Variants in NOL4L observed in about 807,000 individuals in gnomAD.
NOL4L encodes nucleolar protein 4 like, also known as nucleolar protein 4-like.
NOL4L carries 7 observed loss-of-function variants against 64.5 expected under a neutral mutation model. The observed-to-expected ratio is 0.11, with a 90% CI of 0.06 to 0.20. The LOEUF is 0.20. Ranked by LOEUF, NOL4L falls within the 10% of genes least tolerant of loss-of-function variation. The pLI is 1.00. For synonymous variants in NOL4L, 413 were observed against 401.0 expected (o/e 1.03, Z -0.36); for missense variants, 680 against 967.1 (o/e 0.70, Z 3.94).
intron 3 of NOL4L, among the ~76,000 whole-genome samples, chr20:32,515,450 C>T (rs971652013): frequency 1.5e-4 from 23 of 152,226 alleles, no homozygotes; most frequent in African/African-American, 5.1e-4. Flanking sequence ...AGCTCAACCA[C>T]ACCAGGGTGA....
chr20:32,465,612 C>T (rs988356924), intron 5 of NOL4L, among the ~76,000 whole-genome samples: 5 of 152,250 alleles, frequency 3.3e-5, no homozygotes, highest in African/African-American at 1.2e-4. Flanking sequence ...ACACAGCCTG[C>T]TCCCCGTGTT....
intron 1 of NOL4L, among the ~76,000 whole-genome samples, chr20:32,538,009 C>G (rs1414425064): frequency 6.6e-6 from 1 of 152,180 alleles, no homozygotes; most frequent in Non-Finnish European, 1.5e-5. Flanking sequence ...GAACTCCTGG[C>G]CTCAAGTGAT....
intron 5 of NOL4L, among the ~76,000 whole-genome samples, chr20:32,468,794 G>A (rs1250463522): frequency 6.6e-6 from 1 of 151,828 alleles, no homozygotes; most frequent in Non-Finnish European, 1.5e-5. Flanking sequence ...AGCTACTCGG[G>A]AGGCTGAGGC....
intron 1 of NOL4L, among the ~76,000 whole-genome samples, chr20:32,570,246 C>G (rs916034389): frequency 4.6e-5 from 7 of 152,108 alleles, no homozygotes; most frequent in African/African-American, 1.4e-4. Flanking sequence ...TCAATGACAC[C>G]GTCATTCCCA....
At chr20:32,504,567 AAAAG>A (rs921837028) in intron 4 of NOL4L, among the ~76,000 whole-genome samples, 1 of 151,306 alleles carries the variant, frequency 6.6e-6, no homozygotes, top group Non-Finnish European at 1.5e-5. Context: ...CAAAAAAAAA[AAAAG>A]AAAGAAAGAA....
At chr20:32,497,377 A>G (rs928085024) in intron 4 of NOL4L, among the ~76,000 whole-genome samples, 1 of 152,132 alleles carries the variant, frequency 6.6e-6, no homozygotes, top group African/African-American at 2.4e-5. Flanking sequence ...AAAAGTCACA[A>G]CCACTAAATG....
Position 32,447,712 on chromosome 20 carries a change from G to T in NOL4L, c.1927C>A (p.Leu643Ile). Residue 643 changes from leucine to isoleucine, a missense_variant, in exon 11 of 11, where the codon CTC becomes ATC. Leu to Ile is a conservative substitution (Grantham distance 5). Coordinates refer to ENST00000621426, the MANE Select transcript of NOL4L (RefSeq NM_001256798.2). ...STSRPVPTAQ[L>I]SPTEISAVRQ... ...ACGGCGCTGATCTCCGTGGGGCTGA[G>T]CTGAGCGGTGGGCACGGGCCTGCTG... 1 of 1,611,276 alleles carries T rather than the reference G, an allele frequency of 6.2e-7. No homozygotes were observed. The highest frequency in any genetic ancestry group is 8.5e-7 in the Non-Finnish European group (1 of 1,179,134).
chr20:32,504,557 C>CAAA (rs551239944), intron 4 of NOL4L, among the ~76,000 whole-genome samples: 8 of 124,160 alleles, frequency 6.4e-5, no homozygotes, highest in African/African-American at 2.3e-4. Flanking sequence ...GAGACTCCAT[C>CAAA]AAAAAAAAAA....
intron 1 of NOL4L, among the ~76,000 whole-genome samples, chr20:32,566,531 G>T (rs908177976): frequency 6.6e-6 from 1 of 152,172 alleles, no homozygotes; most frequent in Non-Finnish European, 1.5e-5. Flanking sequence ...AATACAGGGG[G>T]TGGGAGGAGC....
At chr20:32,488,782 C>CCTTT (rs2016236493) in intron 4 of NOL4L, among the ~76,000 whole-genome samples, 1 of 45,756 alleles carries the variant, frequency 2.2e-5, no homozygotes, top group Non-Finnish European at 3.5e-5. Flanking sequence ...TTCCTTCCTT[C>CCTTT]CTTCCTTCCT....
chr20:32,571,119 G>A (rs1408125135), intron 1 of NOL4L, among the ~76,000 whole-genome samples: 3 of 152,204 alleles, frequency 2.0e-5, no homozygotes, highest in Admixed American at 6.5e-5. Context: ...GGCAGGGAAT[G>A]GGATGGGATG....
At chr20:32,514,720 G>A (rs1001788404) in intron 3 of NOL4L, among the ~76,000 whole-genome samples, 6 of 152,030 alleles carry the variant, frequency 3.9e-5, no homozygotes, top group Admixed American at 1.3e-4. Context: ...TGACCGGGTC[G>A]GATGCCACAT....
In NOL4L at chr20:32,585,034, T is replaced by C; in HGVS notation, c.-144A>G. On this transcript the variant is annotated 5_prime_UTR_variant, in exon 1 of 11. Transcript: ENST00000621426. The stretch of plus-strand genomic sequence containing the variant: ...GTGTGGCTCCGGCGAGGCTGCTGGA[T>C]GGGCGCGGGCGGCGGCCGGACGCGC... The C allele has an allele frequency of 3.2e-6, 1 of 308,008 alleles. No homozygotes were observed. The highest frequency in any genetic ancestry group is 4.7e-6 in the Non-Finnish European group (1 of 212,872). The allele number at this position is 308,008 out of a possible 1,614,324, so 19.1% of individuals were successfully genotyped here.
At chr20:32,488,530 T>G (rs190979226) in intron 4 of NOL4L, among the ~76,000 whole-genome samples, 42 of 152,358 alleles carry the variant, frequency 2.8e-4, no homozygotes, top group African/African-American at 9.6e-4. Flanking sequence ...ACTAGTTTAC[T>G]CTGCCACCAG....
At chr20:32,552,445 G>T (rs562963924) in intron 1 of NOL4L, among the ~76,000 whole-genome samples, 64 of 152,272 alleles carry the variant, frequency 4.2e-4, no homozygotes, top group African/African-American at 1.4e-3. Context: ...CCAACACTTT[G>T]GGAGGCCAAG....
rs1262134552 is a variant in NOL4L, at chr20:32,528,014, G to A, written c.322-101C>T. On this transcript the variant is annotated intron_variant, in intron 1 of 10. Coordinates refer to ENST00000621426, the MANE Select transcript of NOL4L (RefSeq NM_001256798.2). ...AGGGGTCAGGACGGGCAATGCCTCC[G>A]ACAGTGGGTCTTGGGGTGGGGAGGG... The A allele has an allele frequency of 7.7e-5, 45 of 581,466 alleles. 1 individual carries two copies. The highest frequency in any genetic ancestry group is 7.7e-4 in the South Asian group (39 of 50,578). The allele number at this position is 581,466 out of a possible 1,614,324, so 36.0% of individuals were successfully genotyped here.
At chr20:32,489,726 T>A (rs1443427542) in intron 4 of NOL4L, among the ~76,000 whole-genome samples, 1 of 150,064 alleles carries the variant, frequency 6.7e-6, no homozygotes, top group Non-Finnish European at 1.5e-5. Flanking sequence ...AGGAGAATGG[T>A]GTGAACCTGG....
At chr20:32,539,935 C>G (rs1199847707) in intron 1 of NOL4L, among the ~76,000 whole-genome samples, 1 of 152,214 alleles carries the variant, frequency 6.6e-6, no homozygotes, top group Non-Finnish European at 1.5e-5. Flanking sequence ...TCTCCTGCCC[C>G]TCGGCCGGGG....
In NOL4L at chr20:32,463,657, T is replaced by C. The variant is rs2014291456; in HGVS notation, c.842-7262A>G. Among the ~76,000 whole-genome samples the C allele has an allele frequency of 6.6e-6, 1 of 152,188 alleles. No homozygotes were observed. The highest frequency in any genetic ancestry group is 1.5e-5 in the Non-Finnish European group (1 of 68,012). On this transcript the variant is annotated intron_variant, in intron 5 of 10. Transcript: ENST00000621426. The surrounding 1 kb of genome is among the most constrained non-coding windows in gnomAD (Gnocchi z 5.8). ...AGGAATTAGTGATGAATGGGGGAAA[T>C]TGTTCCTCCCTCTGTCCCGTCTCCA... is the stretch of plus-strand genomic sequence containing the variant.
Sources: gnomAD v4.1 joint callset for allele counts (sites outside exome capture counted in the v4.1 genomes callset) on GRCh38, gnomAD v4.1.1 for gene constraint, Gnocchi (gnomAD v3.1) non-coding constraint, MANE v1.5 for transcripts, NCBI Gene and HGNC (gene_info 2026-07-23, HGNC 2026-07-21) for gene names.